The following FER1L6 variants were observed in gnomAD, a reference collection of about 807,000 sequenced individuals.
FER1L6 encodes fer-1-like protein 6.
In FER1L6, 177 loss-of-function variants were observed where a neutral mutation model predicts 219.2. That is an observed-to-expected ratio of 0.81 (90% CI 0.71 to 0.91). The LOEUF (loss-of-function observed/expected upper bound fraction) is 0.91. Among genes scored for constraint, FER1L6 ranks in the 40% least tolerant of loss-of-function variants. The pLI is 0.00. For missense variants in FER1L6, 2,153 were observed against 2,259.9 expected (o/e 0.95, Z 0.96); for synonymous variants, 768 against 824.3 (o/e 0.93, Z 1.17).
intron 33 of FER1L6, among the ~76,000 whole-genome samples, chr8:124,087,799 G>C (rs1164820079): frequency 6.6e-6 from 1 of 152,184 alleles, no homozygotes; most frequent in Non-Finnish European, 1.5e-5. Flanking sequence ...TGCATTAGGG[G>C]ACACTAAGCA....
At chr8:124,088,054 C>T (rs1464969938) in intron 33 of FER1L6, among the ~76,000 whole-genome samples, 1 of 152,168 alleles carries the variant, frequency 6.6e-6, no homozygotes, top group East Asian at 1.9e-4. Flanking sequence ...TGCCTGGCTA[C>T]CACCTGTGTT....
intron 1 of FER1L6, among the ~76,000 whole-genome samples, chr8:123,874,147 G>A (rs1586432829): frequency 6.6e-6 from 1 of 152,256 alleles, no homozygotes; most frequent in South Asian, 2.1e-4. Flanking sequence ...AGAAAAACAT[G>A]CCACCATGTT....
intron 32 of FER1L6, among the ~76,000 whole-genome samples, chr8:124,082,071 G>C (rs1461973284): frequency 6.6e-6 from 1 of 152,178 alleles, no homozygotes; most frequent in African/African-American, 2.4e-5. Flanking sequence ...CCCATGAAAA[G>C]GGGAGATTAT....
At chr8:124,005,075 A>C (rs1392956858) in intron 13 of FER1L6, among the ~76,000 whole-genome samples, 1 of 152,110 alleles carries the variant, frequency 6.6e-6, no homozygotes, top group African/African-American at 2.4e-5. Flanking sequence ...CAGTCAATAC[A>C]GTTCTTAAGT....
intron 9 of FER1L6, among the ~76,000 whole-genome samples, 175 bp from the exon 10 acceptor site, chr8:123,977,241 TG>T (rs1409629662): frequency 2.0e-5 from 3 of 152,240 alleles, no homozygotes; most frequent in Admixed American, 6.5e-5. Context: ...CCTGGCACGG[TG>T]TCCAGCATAG....
intron 1 of FER1L6, among the ~76,000 whole-genome samples, chr8:123,938,461 A>G (rs1360557686): frequency 6.6e-6 from 1 of 152,138 alleles, no homozygotes; most frequent in Non-Finnish European, 1.5e-5. Flanking sequence ...GGTAATGCCC[A>G]CAATAATAAG....
At chr8:124,012,529 C>G (rs768037937) in intron 14 of FER1L6, among the ~76,000 whole-genome samples, 12 of 152,220 alleles carry the variant, frequency 7.9e-5, no homozygotes, top group African/African-American at 2.7e-4. Flanking sequence ...TGAATGTTTA[C>G]TAACTACCAA....
chr8:124,101,317 C>T lies in FER1L6; in HGVS notation c.5104C>T (p.Leu1702=), dbSNP rs1239148492. 5 of 1,613,682 alleles carry T rather than the reference C, an allele frequency of 3.1e-6. No homozygotes were observed. The highest frequency in any genetic ancestry group is 4.2e-6 in the Non-Finnish European group (5 of 1,179,664). Residue 1702 remains leucine, a synonymous_variant, in exon 38 of 41, where the codon CTG becomes TTG. Transcript: ENST00000522917. The part of the protein sequence containing the change: ...LVLQVWDFER[L]SSDDFLGTLE... ...GCTGCAGGTTTGGGATTTTGAAAGG[C>T]TGTCCTCAGATGACTTCCTGGGTAA...
chr8:124,118,654 G>A (rs1301515873), intron 39 of FER1L6, among the ~76,000 whole-genome samples, 190 bp from the exon 40 acceptor site: 2 of 152,090 alleles, frequency 1.3e-5, no homozygotes, highest in African/African-American at 4.8e-5. Flanking sequence ...ATCATTCCTA[G>A]GCTTTTACTG....
intron 25 of FER1L6, among the ~76,000 whole-genome samples, chr8:124,063,153 AATTTTCTTTTTGATTCACAAATTCTTTGT>A (rs1415141446): frequency 6.6e-6 from 1 of 152,016 alleles, no homozygotes; most frequent in Non-Finnish European, 1.5e-5. Flanking sequence ...TATGTGCTTT[AATTTTCTTTTTGATTCACAAATTCTTTGT>A]ATTTTCTAGA....
At chr8:123,991,390 T>C (rs1023568410) in intron 12 of FER1L6, among the ~76,000 whole-genome samples, 3 of 152,182 alleles carry the variant, frequency 2.0e-5, no homozygotes, top group Admixed American at 1.3e-4. Context: ...TCAGCAGTGT[T>C]TTGTAGTTCT....
At chr8:124,043,424 A>G (rs1463340188) in intron 20 of FER1L6, among the ~76,000 whole-genome samples, 1 of 152,234 alleles carries the variant, frequency 6.6e-6, no homozygotes, top group Non-Finnish European at 1.5e-5. Flanking sequence ...AATGTTAGCT[A>G]AGTGCTACCA....
At chr8:123,952,559 T>C (rs1274931524) in intron 1 of FER1L6, among the ~76,000 whole-genome samples, 1 of 152,128 alleles carries the variant, frequency 6.6e-6, no homozygotes, top group Non-Finnish European at 1.5e-5. Flanking sequence ...AGCCCTATAC[T>C]TTTTGTGAAG....
chr8:123,855,964 G>GATATACATATGTATATGCGATATATGT (rs1816631652), intron 1 of FER1L6, among the ~76,000 whole-genome samples: 2 of 140,166 alleles, frequency 1.4e-5, no homozygotes, highest in Non-Finnish European at 3.0e-5. Flanking sequence ...ATATATTACA[G>GATATACATATGTATATGCGATATATGT]ATATACATAT....
chr8:123,992,221 G>A (rs372283351), intron 12 of FER1L6, among the ~76,000 whole-genome samples: 43 of 152,144 alleles, frequency 2.8e-4, no homozygotes, highest in African/African-American at 1.0e-3. Flanking sequence ...CATAGAATGA[G>A]TTAGAAATAA....
chr8:124,029,086 A>G (rs959483201), intron 18 of FER1L6, among the ~76,000 whole-genome samples: 6 of 152,228 alleles, frequency 3.9e-5, no homozygotes, highest in South Asian at 2.1e-4. Flanking sequence ...AGCTTCATCC[A>G]TGCTCCTGCA....
intron 37 of FER1L6, among the ~76,000 whole-genome samples, chr8:124,098,103 A>G (rs960723927): frequency 1.3e-5 from 2 of 152,220 alleles, no homozygotes; most frequent in African/African-American, 4.8e-5. Flanking sequence ...ATCTTATTAC[A>G]TATACATCTT....
At chr8:124,090,037 C>A (rs530868924) in intron 33 of FER1L6, among the ~76,000 whole-genome samples, 1 of 152,312 alleles carries the variant, frequency 6.6e-6, no homozygotes, top group African/African-American at 2.4e-5. Context: ...CCACTGCACA[C>A]CTCTCTGATA....
intron 22 of FER1L6, among the ~76,000 whole-genome samples, chr8:124,059,784 C>T (rs1296474477): frequency 6.6e-6 from 1 of 152,138 alleles, no homozygotes; most frequent in Non-Finnish European, 1.5e-5. Flanking sequence ...CTTGACAAGT[C>T]CGAAGGGAGT....
Sources: allele counts gnomAD v4.1 joint callset (sites outside exome capture counted in the v4.1 genomes callset), GRCh38; gene constraint gnomAD v4.1.1; transcripts MANE v1.5; gene names NCBI Gene and HGNC (gene_info 2026-07-23, HGNC 2026-07-21).